The following TBCK variants were observed in gnomAD, a reference collection of about 807,000 sequenced individuals.
The protein encoded by TBCK is TBC domain-containing protein kinase-like protein.
TBCK carries 99 observed loss-of-function variants against 113.4 expected under a neutral mutation model. That is an observed-to-expected ratio of 0.87 (90% CI 0.74 to 1.03). The LOEUF (loss-of-function observed/expected upper bound fraction) is 1.03, where lower values mean the gene tolerates loss of function less well. TBCK is among the 50% of genes least tolerant of loss of function. TBCK has a pLI of 0.00. For synonymous variants in TBCK, 369 were observed against 370.8 expected, an observed-to-expected ratio of 1.00 and a Z score of 0.05; for missense variants, 1,045 against 1,061.3, an observed-to-expected ratio of 0.98 and a Z score of 0.21.
intron 5 of TBCK, among the ~76,000 whole-genome samples, chr4:106,254,054 T>C (rs1761716674): frequency 6.6e-6 from 1 of 152,214 alleles, no homozygotes; most frequent in East Asian, 1.9e-4. Flanking sequence ...GATGTATCTT[T>C]CATTTTCTTT....
intron 3 of TBCK, among the ~76,000 whole-genome samples, chr4:106,294,602 C>A (rs1328397170): frequency 6.6e-6 from 1 of 152,048 alleles, no homozygotes; most frequent in Non-Finnish European, 1.5e-5. Flanking sequence ...CTTTCTCAGC[C>A]TCCTGAGTAG....
rs759761980 is a variant in TBCK, at chr4:106,171,233, G to T, written c.2097C>A (p.Asn699Lys). 10 of 1,610,904 alleles carry T rather than the reference G, an allele frequency of 6.2e-6. No homozygotes were observed. Among genetic ancestry groups the T allele is most frequent in the Non-Finnish European group, 7.6e-6 (9 of 1,178,938 alleles). Residue 699 changes from asparagine (N) to lysine (K), a missense_variant, in exon 23 of 26, where the codon AAC becomes AAA. Physicochemically the swap from Asn to Lys is moderately conservative, Grantham distance 94. Coordinates refer to ENST00000394708, the MANE Select transcript of TBCK (RefSeq NM_001163435.3). ...CACTTTTAGGAGTCCAACAAAACAG[G>T]TTGATAGATTCTCTCACACAGCGTT... ...DIERCVRESI[N>K]LFCWTPKSAT...
At chr4:106,223,523 A>C (rs1036863798) in intron 19 of TBCK, among the ~76,000 whole-genome samples, 1 of 152,120 alleles carries the variant, frequency 6.6e-6, no homozygotes, top group African/African-American at 2.4e-5. Context: ...CAATCTAGCT[A>C]TATGTGGTAC....
intron 23 of TBCK, among the ~76,000 whole-genome samples, chr4:106,165,056 A>T (rs72677342): frequency 0.021 from 3,220 of 151,846 alleles, 62 homozygotes; most frequent in Non-Finnish European, 0.032. Flanking sequence ...ACTTAACAAT[A>T]ATTATTGCTC....
At chr4:106,109,406 G>C (rs952288086) in intron 24 of TBCK, among the ~76,000 whole-genome samples, 10 of 152,130 alleles carry the variant, frequency 6.6e-5, no homozygotes, top group Non-Finnish European at 1.2e-4. Context: ...AAAACAGCAT[G>C]GCAGTAGTAC....
In TBCK at chr4:106,136,635, A is replaced by G. The variant is rs890039501; in HGVS notation, c.2236-20257T>C. On this transcript the variant is annotated intron_variant, in intron 23 of 25. Coordinates refer to ENST00000394708, the MANE Select transcript of TBCK (RefSeq NM_001163435.3). Reference sequence around the variant, plus strand: ...TTTTTATTCTCCCCCTCCCCCACCAACTTAACCTGGTATGAATGATGCAGA... The same window carrying G: ...TTTTTATTCTCCCCCTCCCCCACCAGCTTAACCTGGTATGAATGATGCAGA... Among the ~76,000 whole-genome samples, 2 of 140,632 alleles carry G rather than the reference A, an allele frequency of 1.4e-5. 1 individual carries two copies. The highest frequency in any genetic ancestry group is 5.0e-5 in the African/African-American group (2 of 39,840). 92.3% of individuals were successfully genotyped at this position (140,632 alleles called of 152,430 possible).
chr4:106,232,163 TC>T (rs1446091796), intron 17 of TBCK, among the ~76,000 whole-genome samples: 2 of 151,848 alleles, frequency 1.3e-5, no homozygotes, highest in African/African-American at 4.8e-5. Context: ...ATGTTGTTTT[TC>T]TTTGGGATTA....
chr4:106,283,764 A>G (rs188512038), intron 3 of TBCK, among the ~76,000 whole-genome samples: 2,756 of 152,154 alleles, frequency 0.018, 75 homozygotes, highest in African/African-American at 0.061. Context: ...GGGGGAAAAA[A>G]AAAAAGAAAT....
intron 25 of TBCK, among the ~76,000 whole-genome samples, chr4:106,067,201 G>C (rs1296059383): frequency 1.3e-5 from 2 of 152,040 alleles, no homozygotes; most frequent in Non-Finnish European, 2.9e-5. Flanking sequence ...TCTCACTGTG[G>C]TTTTAATTTT....
In TBCK at chr4:106,180,840, G is replaced by A. The variant is rs568381215; in HGVS notation, c.2060-9570C>T. ...TATTGTGAATAGTGCCACAATAAAC[G>A]TATGTGTGCATGTCTCTTTTTTGTA... On this transcript the variant is annotated intron_variant, in intron 22 of 25. Transcript: ENST00000394708. Among the ~76,000 whole-genome samples the A allele has an allele frequency of 6.6e-5, 10 of 152,176 alleles. No individual in the cohort carries two copies. The South Asian group carries it at 1.9e-3, about 28-fold the overall frequency.
chr4:106,274,156 T>G (rs191230387), intron 3 of TBCK, among the ~76,000 whole-genome samples: 2 of 152,198 alleles, frequency 1.3e-5, no homozygotes, highest in Non-Finnish European at 2.9e-5. Flanking sequence ...AGTGAGATAC[T>G]ACTTCATACC....
At chr4:106,226,808 T>G (rs930398024) in intron 19 of TBCK, among the ~76,000 whole-genome samples, 1 of 152,052 alleles carries the variant, frequency 6.6e-6, no homozygotes, top group African/African-American at 2.4e-5. Context: ...TCTGAAAGAG[T>G]ACACTATCAA....
At chr4:106,293,856 C>T (rs967386401) in intron 3 of TBCK, among the ~76,000 whole-genome samples, 1 of 152,146 alleles carries the variant, frequency 6.6e-6, no homozygotes, top group Non-Finnish European at 1.5e-5. Context: ...AATCTATAAA[C>T]ACTCGTGGCA....
chr4:106,172,294 C>A (rs1046434118), intron 22 of TBCK, among the ~76,000 whole-genome samples: 1 of 152,062 alleles, frequency 6.6e-6, no homozygotes. Flanking sequence ...ATCTTTAATG[C>A]AGAGGTAATA....
intron 19 of TBCK, among the ~76,000 whole-genome samples, chr4:106,218,417 T>C (rs1185274258): frequency 6.8e-6 from 1 of 147,604 alleles, no homozygotes; most frequent in Non-Finnish European, 1.5e-5. Flanking sequence ...GAAACTACCA[T>C]CAGAGTGAAC....
At chr4:106,265,507 G>GGA (rs1387457185) in intron 3 of TBCK, among the ~76,000 whole-genome samples, 1 of 151,532 alleles carries the variant, frequency 6.6e-6, no homozygotes, top group African/African-American at 2.4e-5. Flanking sequence ...CTTAATTCCA[G>GGA]GAGAGAGAGA....
intron 23 of TBCK, among the ~76,000 whole-genome samples, chr4:106,143,994 G>C (rs1007677571): frequency 6.6e-6 from 1 of 150,696 alleles, no homozygotes; most frequent in Non-Finnish European, 1.5e-5. Context: ...CTGAGTAAAA[G>C]AAATGGTAAC....
At chr4:106,296,119 GGGCCA>G (rs1221382933) in intron 2 of TBCK, among the ~76,000 whole-genome samples, 5 of 152,038 alleles carry the variant, frequency 3.3e-5, no homozygotes, top group African/African-American at 1.2e-4. Context: ...ACAGTTCTAA[GGGCCA>G]GCCTATACTT....
At chr4:106,105,011 C>T (rs1240664627) in intron 24 of TBCK, among the ~76,000 whole-genome samples, 1 of 152,234 alleles carries the variant, frequency 6.6e-6, no homozygotes, top group African/African-American at 2.4e-5. Flanking sequence ...AGCTATCGAG[C>T]CAGTGCGAAC....
Sources: gnomAD v4.1 joint callset for allele counts (sites outside exome capture counted in the v4.1 genomes callset) on GRCh38, gnomAD v4.1.1 for gene constraint, MANE v1.5 for transcripts, NCBI Gene and HGNC (gene_info 2026-07-23, HGNC 2026-07-21) for gene names.